TFDP1: variants seen among roughly 807,000 people sequenced by gnomAD.
The protein encoded by TFDP1 is DRTF1-polypeptide 1.
A neutral mutation model predicts 48.0 loss-of-function variants in TFDP1; 6 were observed. That is an observed-to-expected ratio of 0.13 (90% CI 0.07 to 0.25). TFDP1 has a LOEUF of 0.25. TFDP1 is among the 10% of genes least tolerant of loss of function. The pLI is 1.00. For missense variants in TFDP1, 335 were observed against 543.0 expected (o/e 0.62, Z 3.81); for synonymous variants, 201 against 211.6 (o/e 0.95, Z 0.44).
chr13:113,588,224 G>A (rs1477174943), intron 2 of TFDP1, among the ~76,000 whole-genome samples: 1 of 152,270 alleles, frequency 6.6e-6, no homozygotes, highest in East Asian at 1.9e-4. Flanking sequence ...TATGCTGGGG[G>A]AAAGCTGTGC....
Position 113,637,825 on chromosome 13 carries a change from T to A in TFDP1, c.1014T>A (p.Ala338=), listed in dbSNP as rs2049532669. 1 of 1,614,248 alleles carries A rather than the reference T, an allele frequency of 6.2e-7. No individual in the cohort carries two copies. Among genetic ancestry groups the A allele is most frequent in the Non-Finnish European group, 8.5e-7 (1 of 1,180,048 alleles). The change falls in exon 11 of 12, where the codon GCT becomes GCA. Residue 338 remains alanine (A), a synonymous_variant. Coordinates refer to ENST00000375370, the MANE Select transcript of TFDP1 (RefSeq NM_007111.5). ...TTTTCTTTCCCTTTTCAGAAATGGC[T>A]CAGGGAACTGTTGGAGGCGTGTTCA... ...KALEPYVTEM[A]QGTVGGVFIT... is the part of the protein sequence containing the mutation.
At chr13:113,593,668 A>G (rs1263573051) in intron 2 of TFDP1, among the ~76,000 whole-genome samples, 1 of 102,820 alleles carries the variant, frequency 9.7e-6, no homozygotes, top group Non-Finnish European at 1.9e-5. Flanking sequence ...GGTGTGGTGT[A>G]CACGGGTCCT....
chr13:113,625,432 GTCTCTCACATGTCCTCAGGTGTC>G (rs2049125813), intron 4 of TFDP1, among the ~76,000 whole-genome samples: 4 of 116,644 alleles, frequency 3.4e-5, no homozygotes, highest in African/African-American at 1.1e-4. Context: ...GTCCTCAGGT[GTCTCTCACATGTCCTCAGGTGTC>G]TCTCACGTGT....
Position 113,627,624 on chromosome 13 carries a change from A to C in TFDP1, c.187-3999A>C, listed in dbSNP as rs1167488558. Among the ~76,000 whole-genome samples the C allele has an allele frequency of 6.6e-6, 1 of 152,154 alleles. No homozygotes were observed. On this transcript the variant is annotated intron_variant, in intron 4 of 11. Transcript: ENST00000375370. The surrounding 1 kb of genome is among the most constrained non-coding windows in gnomAD (Gnocchi z 4.1). ...CACTTAGGGCAGAAGGGATGCCTTA[A>C]ATCAGGAGTCCCCAACCCCTGGGCC... is the stretch of plus-strand genomic sequence containing the variant.
chr13:113,590,509 A>C (rs1270032227), intron 2 of TFDP1, among the ~76,000 whole-genome samples: 2 of 152,248 alleles, frequency 1.3e-5, no homozygotes, highest in African/African-American at 4.8e-5. Context: ...AACAGGATTC[A>C]GCGACTCAGG....
chr13:113,629,220 G>A (rs918043714), intron 4 of TFDP1, among the ~76,000 whole-genome samples: 27 of 152,214 alleles, frequency 1.8e-4, no homozygotes, highest in African/African-American at 3.1e-4. Flanking sequence ...CGGATGCCGC[G>A]GGGCCTTCCG....
chr13:113,629,228 C>T (rs1205040162), intron 4 of TFDP1, among the ~76,000 whole-genome samples: 1 of 152,222 alleles, frequency 6.6e-6, no homozygotes, highest in African/African-American at 2.4e-5. Flanking sequence ...GCGGGGCCTT[C>T]CGCAGGGAGC....
chr13:113,628,523 C>A (rs576857444), intron 4 of TFDP1, among the ~76,000 whole-genome samples: 1 of 152,288 alleles, frequency 6.6e-6, no homozygotes, highest in East Asian at 1.9e-4. Context: ...GTGTCCCTGG[C>A]GCCTTTCAGC....
intron 3 of TFDP1, among the ~76,000 whole-genome samples, chr13:113,619,266 C>T (rs892028307): frequency 6.6e-6 from 1 of 152,012 alleles, no homozygotes; most frequent in Non-Finnish European, 1.5e-5. Flanking sequence ...AGAGGTCAGG[C>T]GTTCAAGACC....
intron 4 of TFDP1, among the ~76,000 whole-genome samples, chr13:113,625,778 C>T (rs1310646409): frequency 3.1e-5 from 4 of 130,060 alleles, no homozygotes; most frequent in African/African-American, 6.0e-5. Flanking sequence ...GCGTCTCTCA[C>T]GTGTCCTCAG....
chr13:113,589,785 C>T (rs1027353118), intron 2 of TFDP1, among the ~76,000 whole-genome samples: 7 of 152,204 alleles, frequency 4.6e-5, no homozygotes, highest in African/African-American at 1.7e-4. Flanking sequence ...GCTGGGCTGG[C>T]AGGGCCCTTG....
At chr13:113,599,827 C>T (rs1412435241) in intron 2 of TFDP1, among the ~76,000 whole-genome samples, 4 of 151,112 alleles carry the variant, frequency 2.6e-5, no homozygotes, top group Non-Finnish European at 4.4e-5. Flanking sequence ...AGAGAGAACC[C>T]AGGACCATGA....
intron 9 of TFDP1, 28 bp from the exon 10 acceptor site, chr13:113,636,506 T>A: frequency 6.2e-7 from 1 of 1,610,316 alleles, no homozygotes; most frequent in South Asian, 1.1e-5. Flanking sequence ...GGAGACCCTG[T>A]CTTTCTGACT....
chr13:113,628,532 G>A (rs1162589985), intron 4 of TFDP1, among the ~76,000 whole-genome samples: 1 of 152,184 alleles, frequency 6.6e-6, no homozygotes, highest in African/African-American at 2.4e-5. Context: ...GCGCCTTTCA[G>A]CCCCTGCCTG....
intron 2 of TFDP1, 39 bp downstream of exon 2, chr13:113,585,888 C>G (rs747643964): frequency 1.1e-5 from 17 of 1,591,326 alleles, no homozygotes; most frequent in Non-Finnish European, 1.4e-5. Flanking sequence ...GAATGTTTGC[C>G]TCGCACTAAA....
chr13:113,591,009 CAAAAAA>C (rs71101595), intron 2 of TFDP1, among the ~76,000 whole-genome samples: 4 of 59,858 alleles, frequency 6.7e-5, no homozygotes, highest in Middle Eastern at 0.019. Context: ...GACTCTGTCT[CAAAAAA>C]AAAAAAAAAA....
rs562979314 is a variant in TFDP1 at position 113,633,486 on chromosome 13, C to T, written c.474+201C>T. 3.9e-5 allele frequency among the ~76,000 whole-genome samples: 6 copies of T among 152,260 alleles called. No homozygotes were observed. Among genetic ancestry groups the T allele is most frequent in the South Asian group, 4.2e-4 (2 of 4,812 alleles). On this transcript the variant is annotated intron_variant, in intron 6 of 11. Coordinates refer to ENST00000375370, the MANE Select transcript of TFDP1 (RefSeq NM_007111.5). The surrounding 1 kb of genome is among the most constrained non-coding windows in gnomAD (Gnocchi z 4.5). ...CGGAGCCCAGCGGTGTGGTACGTTTCGCTCTTTTAATATCGGGAACAGTTA... is the reference window on the plus strand; with the variant it reads ...CGGAGCCCAGCGGTGTGGTACGTTTTGCTCTTTTAATATCGGGAACAGTTA...
intron 2 of TFDP1, among the ~76,000 whole-genome samples, chr13:113,587,304 G>A (rs1362182258): frequency 1.3e-5 from 2 of 151,692 alleles, no homozygotes; most frequent in East Asian, 3.9e-4. Context: ...CAGGGGCTGG[G>A]GGCTCACCTT....
chr13:113,591,796 C>T (rs1417921021), intron 2 of TFDP1, among the ~76,000 whole-genome samples: 3 of 152,138 alleles, frequency 2.0e-5, no homozygotes, highest in South Asian at 2.1e-4. Flanking sequence ...GATGGATCTG[C>T]GAGGGGAAGG....
Sources: gnomAD v4.1 joint callset for allele counts (sites outside exome capture counted in the v4.1 genomes callset) on GRCh38, gnomAD v4.1.1 for gene constraint, Gnocchi (gnomAD v3.1) non-coding constraint, MANE v1.5 for transcripts, NCBI Gene and HGNC (gene_info 2026-07-23, HGNC 2026-07-21) for gene names.